ATP8A2: variants seen among roughly 807,000 people sequenced by gnomAD.
ATP8A2 encodes ATPase phospholipid transporting 8A2, also known as phospholipid-transporting ATPase IB.
Under a neutral mutation model 165.6 loss-of-function variants are expected in ATP8A2, and 100 were observed. That is an observed-to-expected ratio of 0.60 (90% confidence interval 0.51 to 0.71). ATP8A2 has a LOEUF of 0.71. Ranked by LOEUF, ATP8A2 falls within the 30% of genes least tolerant of loss-of-function variation. ATP8A2 has a pLI of 0.00. For missense variants in ATP8A2, 1,227 were observed against 1,479.5 expected (o/e 0.83, Z 2.80); for synonymous variants, 543 against 548.8 (o/e 0.99, Z 0.15).
chr13:25,405,551 C>G (rs534427108), intron 1 of ATP8A2, among the ~76,000 whole-genome samples: 1 of 152,144 alleles, frequency 6.6e-6, no homozygotes, highest in Non-Finnish European at 1.5e-5. Flanking sequence ...CCAGCGTGCT[C>G]TCTTGAGACC....
At chr13:25,386,626 C>T (rs2033054975) in intron 1 of ATP8A2, among the ~76,000 whole-genome samples, 2 of 152,048 alleles carry the variant, frequency 1.3e-5, no homozygotes, top group Admixed American at 6.6e-5. Context: ...CCTTGATTTC[C>T]CTACAGAACA....
At chr13:26,017,389 A>G (rs928950466) in intron 36 of ATP8A2, among the ~76,000 whole-genome samples, 21 of 152,240 alleles carry the variant, frequency 1.4e-4, no homozygotes, top group East Asian at 5.8e-4. Flanking sequence ...GAGCAGACGA[A>G]GCAGTGTTAT....
rs372071297 is a variant in ATP8A2, at chr13:25,780,279, AC to A, written c.2679+5321del. On this transcript the variant is annotated intron_variant, in intron 27 of 36. Transcript: ENST00000381655. ...TGGTGATTAGTTGGTGGTTCCTAAT[AC>A]AAAGAATAACCATAACATATGTATA... Among the ~76,000 whole-genome samples, 33 of 152,330 alleles carry A rather than the reference AC, an allele frequency of 2.2e-4. No individual in the cohort carries two copies. The East Asian group carries it at 4.8e-3, about 22-fold the overall frequency.
At chr13:25,649,732 TC>T (rs2041766048) in intron 24 of ATP8A2, among the ~76,000 whole-genome samples, 1 of 152,142 alleles carries the variant, frequency 6.6e-6, no homozygotes, top group African/African-American at 2.4e-5. Context: ...GTTGTTGTCC[TC>T]CATGGGCAGG....
chr13:25,549,955 C>T (rs1327337724), intron 10 of ATP8A2, among the ~76,000 whole-genome samples: 1 of 152,122 alleles, frequency 6.6e-6, no homozygotes, highest in Admixed American at 6.6e-5. Context: ...CTCTCCCTGT[C>T]TCACAGTTGT....
At chr13:25,797,381 C>G (rs1950518408) in intron 27 of ATP8A2, among the ~76,000 whole-genome samples, 1 of 152,068 alleles carries the variant, frequency 6.6e-6, no homozygotes, top group Non-Finnish European at 1.5e-5. Flanking sequence ...ATACCTATTT[C>G]AAAATATCTC....
intron 6 of ATP8A2, 73 bp from the exon 7 acceptor site, chr13:25,537,915 A>G: frequency 9.9e-7 from 1 of 1,012,248 alleles, no homozygotes; most frequent in Non-Finnish European, 1.5e-6. Context: ...TCAAATATTT[A>G]AGCACCTTTT....
intron 26 of ATP8A2, among the ~76,000 whole-genome samples, chr13:25,771,521 C>A (rs966594752): frequency 6.6e-6 from 1 of 152,188 alleles, no homozygotes; most frequent in African/African-American, 2.4e-5. Context: ...GATCCCATGA[C>A]CTGCTTTACT....
At chr13:25,779,445 T>A (rs2044821611) in intron 27 of ATP8A2, among the ~76,000 whole-genome samples, 1 of 151,658 alleles carries the variant, frequency 6.6e-6, no homozygotes, top group Non-Finnish European at 1.5e-5. Context: ...GTGTCTGCAC[T>A]GGGGGTGGGA....
intron 33 of ATP8A2, among the ~76,000 whole-genome samples, chr13:25,881,382 A>ACC (rs1952973709): frequency 1.3e-5 from 2 of 152,178 alleles, no homozygotes; most frequent in Non-Finnish European, 2.9e-5. Flanking sequence ...TCCATGCTGA[A>ACC]GTTTCTCATG....
chr13:25,627,463 A>C (rs1336713821), intron 24 of ATP8A2, among the ~76,000 whole-genome samples: 1 of 152,174 alleles, frequency 6.6e-6, no homozygotes, highest in African/African-American at 2.4e-5. Context: ...ATTATGGTTA[A>C]ATGAAATCAT....
chr13:25,901,506 A>G (rs1419772379), intron 33 of ATP8A2, among the ~76,000 whole-genome samples: 1 of 151,336 alleles, frequency 6.6e-6, no homozygotes, highest in Non-Finnish European at 1.5e-5. Flanking sequence ...TATATTATAT[A>G]TACATAATTT....
At chr13:25,825,759 G>A (rs1455167569) in intron 27 of ATP8A2, among the ~76,000 whole-genome samples, 1 of 152,030 alleles carries the variant, frequency 6.6e-6, no homozygotes, top group East Asian at 1.9e-4. Flanking sequence ...TGGTTTTAGG[G>A]ATGGCTATTA....
chr13:25,652,131 C>G (rs1226912265), intron 24 of ATP8A2, among the ~76,000 whole-genome samples: 2 of 152,210 alleles, frequency 1.3e-5, no homozygotes, highest in African/African-American at 4.8e-5. Context: ...CCTTCAGTTC[C>G]CTTCCGCACT....
intron 35 of ATP8A2, among the ~76,000 whole-genome samples, chr13:26,008,875 A>G (rs940114594): frequency 6.6e-6 from 1 of 152,238 alleles, no homozygotes; most frequent in Non-Finnish European, 1.5e-5. Flanking sequence ...TATGAAGGCT[A>G]GAAATGTAAG....
chr13:25,616,395 C>A, intron 24 of ATP8A2, among the ~76,000 whole-genome samples: 1 of 144,926 alleles, frequency 6.9e-6, no homozygotes, highest in East Asian at 2.0e-4. Flanking sequence ...GCAGTGGCAC[C>A]ATCTCGGCTC....
chr13:25,706,963 A>G (rs2043065983), intron 25 of ATP8A2, among the ~76,000 whole-genome samples: 1 of 152,162 alleles, frequency 6.6e-6, no homozygotes, highest in Admixed American at 6.5e-5. Flanking sequence ...TTATTTTATT[A>G]AGGATGAGAG....
At chr13:25,577,430 C>T (rs569272523) in intron 20 of ATP8A2, among the ~76,000 whole-genome samples, 83 of 152,258 alleles carry the variant, frequency 5.5e-4, no homozygotes, top group African/African-American at 2.0e-3. Context: ...TCCAGTTTTA[C>T]CAGCATTGTG....
At chr13:25,607,310 G>C (rs1355487629) in intron 24 of ATP8A2, among the ~76,000 whole-genome samples, 1 of 152,090 alleles carries the variant, frequency 6.6e-6, no homozygotes, top group African/African-American at 2.4e-5. Flanking sequence ...CTCACCACTT[G>C]TTTTTATAAA....
Sources: gnomAD v4.1 joint callset for allele counts (sites outside exome capture counted in the v4.1 genomes callset) on GRCh38, gnomAD v4.1.1 for gene constraint, MANE v1.5 for transcripts, NCBI Gene and HGNC (gene_info 2026-07-23, HGNC 2026-07-21) for gene names.